The following FOXN3 variants were observed in gnomAD, a reference collection of about 807,000 sequenced individuals.
The protein encoded by FOXN3 is forkhead box N3, also known as forkhead box protein N3.
A neutral mutation model predicts 38.4 loss-of-function variants in FOXN3; 7 were observed. That is an observed-to-expected ratio of 0.18 (90% confidence interval 0.10 to 0.34). The LOEUF is 0.34. Ranked by LOEUF, FOXN3 falls within the 10% of genes least tolerant of loss-of-function variation. The probability of loss-of-function intolerance (pLI) is 1.00; values close to 1 mark genes in which losing one functional copy is unlikely to be tolerated. For missense variants in FOXN3, 456 were observed against 613.4 expected, an observed-to-expected ratio of 0.74 and a Z score of 2.71; for synonymous variants, 230 against 242.2, an observed-to-expected ratio of 0.95 and a Z score of 0.47.
At position 89,485,687 on chromosome 14, in the gene FOXN3, G is replaced by A. The variant is rs528613507; in HGVS notation, c.-14-73197C>T. 2.6e-5 allele frequency among the ~76,000 whole-genome samples: 4 copies of A among 152,266 alleles called. No homozygotes were observed. In the South Asian group the frequency reaches 8.3e-4, roughly 32 times the overall value. ...GGACAGTGCCAGCCAAAGCCCCTCTGCAACGGGAAGGTGGAGTTTCCCCAA... is the reference window on the plus strand; with the variant it reads ...GGACAGTGCCAGCCAAAGCCCCTCTACAACGGGAAGGTGGAGTTTCCCCAA... On this transcript the variant is annotated intron_variant, in intron 1 of 6. Transcript: ENST00000345097.
intron 4 of FOXN3, among the ~76,000 whole-genome samples, chr14:89,241,675 A>G (rs1885143649): frequency 1.3e-5 from 2 of 152,216 alleles, no homozygotes; most frequent in African/African-American, 4.8e-5. Context: ...ACAGTTGATT[A>G]TAAATAGTTT....
intron 4 of FOXN3, among the ~76,000 whole-genome samples, chr14:89,183,658 C>G (rs999118067): frequency 6.7e-6 from 1 of 148,272 alleles, no homozygotes; most frequent in Admixed American, 6.8e-5. Flanking sequence ...ATACAAAGAC[C>G]TGGAAGTGAT....
chr14:89,346,106 G>T (rs1369096573), intron 3 of FOXN3, among the ~76,000 whole-genome samples: 1 of 152,144 alleles, frequency 6.6e-6, no homozygotes, highest in Non-Finnish European at 1.5e-5. Context: ...TGCTGCAAAA[G>T]ACATTATTTT....
At chr14:89,256,454 T>G (rs2139886077) in intron 4 of FOXN3, among the ~76,000 whole-genome samples, 2 of 152,286 alleles carry the variant, frequency 1.3e-5, no homozygotes, top group Non-Finnish European at 2.9e-5. Context: ...ACAAACAGGC[T>G]GGGTGGACGT....
rs151159209 is a variant in FOXN3, at chr14:89,542,787, G to A, written c.-15+76241C>T. Among the ~76,000 whole-genome samples the A allele has an allele frequency of 1.1e-3, 164 of 152,284 alleles. 1 individual carries two copies. The highest frequency in any genetic ancestry group is 3.8e-3 in the African/African-American group (159 of 41,556). The stretch of plus-strand genomic sequence containing the variant: ...TGCCATCGATGGGTTAATATGCTGA[G>A]ATCTTCTTTTGTTTTACAAAGAGGC... On this transcript the variant is annotated intron_variant, in intron 1 of 6. Transcript: ENST00000345097.
intron 2 of FOXN3, among the ~76,000 whole-genome samples, chr14:89,365,650 T>C (rs771742299): frequency 3.9e-5 from 6 of 152,136 alleles, no homozygotes; most frequent in South Asian, 2.1e-4. Flanking sequence ...CCTCATCGCA[T>C]GACATAGGCT....
At chr14:89,584,050 G>C (rs1895796845) in intron 1 of FOXN3, among the ~76,000 whole-genome samples, 1 of 151,316 alleles carries the variant, frequency 6.6e-6, no homozygotes, top group Non-Finnish European at 1.5e-5. Flanking sequence ...AGTAGAGATG[G>C]GGTTTCACCA....
intron 2 of FOXN3, among the ~76,000 whole-genome samples, chr14:89,367,846 C>T (rs1890202989): frequency 6.7e-6 from 1 of 148,560 alleles, no homozygotes; most frequent in South Asian, 2.1e-4. Context: ...CCCAGAAACC[C>T]TCCCCTCGTC....
intron 1 of FOXN3, among the ~76,000 whole-genome samples, chr14:89,425,360 C>G (rs1055746779): frequency 1.3e-5 from 2 of 151,488 alleles, no homozygotes; most frequent in Non-Finnish European, 2.9e-5. Flanking sequence ...TGAGCCACTG[C>G]GCCTGGCCTG....
chr14:89,262,221 G>A (rs1470363642), intron 4 of FOXN3, among the ~76,000 whole-genome samples: 1 of 152,204 alleles, frequency 6.6e-6, no homozygotes, highest in Non-Finnish European at 1.5e-5. Context: ...GTTTGCCTGT[G>A]ACTCAGGGCA....
At chr14:89,198,874 T>C (rs1435381607) in intron 4 of FOXN3, among the ~76,000 whole-genome samples, 1 of 152,232 alleles carries the variant, frequency 6.6e-6, no homozygotes, top group Admixed American at 6.5e-5. Flanking sequence ...ATAGAACACA[T>C]CAAAAGTAAA....
chr14:89,289,534 T>G (rs1418882888), intron 3 of FOXN3, among the ~76,000 whole-genome samples: 1 of 152,234 alleles, frequency 6.6e-6, no homozygotes, highest in Non-Finnish European at 1.5e-5. Context: ...CACAAAAATC[T>G]CTTATGCAGA....
intron 5 of FOXN3, among the ~76,000 whole-genome samples, chr14:89,176,478 A>T (rs1329418646): frequency 6.6e-6 from 1 of 151,810 alleles, no homozygotes; most frequent in Non-Finnish European, 1.5e-5. Context: ...GGTGCTAATG[A>T]CTCTCCCGCC....
At chr14:89,176,093 G>C (rs2139789898) in intron 5 of FOXN3, among the ~76,000 whole-genome samples, 2 of 152,328 alleles carry the variant, frequency 1.3e-5, no homozygotes, top group East Asian at 3.9e-4. Context: ...TTGAGGACTT[G>C]ACGCCCAGGC....
chr14:89,555,880 T>TGGGGGGGGGGGGGG (rs57759148), intron 1 of FOXN3, among the ~76,000 whole-genome samples: 2 of 99,702 alleles, frequency 2.0e-5, no homozygotes, highest in Non-Finnish European at 2.4e-5. Flanking sequence ...TGTGTGTATG[T>TGGGGGGGGGGGGGG]GGGGGTGTAT....
Position 89,459,183 on chromosome 14 carries a change from GA to G in FOXN3, c.-14-46694del, listed in dbSNP as rs573645456. 2.4e-3 allele frequency among the ~76,000 whole-genome samples: 367 copies of G among 151,364 alleles called. 3 individuals carry two copies. The highest frequency in any genetic ancestry group is 8.3e-3 in the African/African-American group (342 of 41,248). ...AAAAAGAAGAAGAAGAAAAAAAGGG[GA>G]AAAAAAACAGGGCCATTTTAAATGA... On this transcript the variant is annotated intron_variant, in intron 1 of 6. Transcript: ENST00000345097.
chr14:89,267,273 C>A (rs1211538666), intron 4 of FOXN3, among the ~76,000 whole-genome samples: 1 of 152,192 alleles, frequency 6.6e-6, no homozygotes, highest in Non-Finnish European at 1.5e-5. Context: ...TGGGAACTAA[C>A]ATGGGAAACT....
intron 2 of FOXN3, among the ~76,000 whole-genome samples, chr14:89,387,253 CTCAATCAA>C (rs575796900): frequency 3.9e-5 from 6 of 152,072 alleles, no homozygotes; most frequent in African/African-American, 1.4e-4. Context: ...AAAATTCTGT[CTCAATCAA>C]TCAATCAATC....
At chr14:89,193,077 G>A (rs572562187) in intron 4 of FOXN3, among the ~76,000 whole-genome samples, 18 of 152,168 alleles carry the variant, frequency 1.2e-4, no homozygotes, top group Admixed American at 1.0e-3. Flanking sequence ...TTCTCAGGGG[G>A]TAGCCAAGAA....
Sources: gnomAD v4.1 joint callset for allele counts (sites outside exome capture counted in the v4.1 genomes callset) on GRCh38, gnomAD v4.1.1 for gene constraint, MANE v1.5 for transcripts, NCBI Gene and HGNC (gene_info 2026-07-23, HGNC 2026-07-21) for gene names.